Variants in NXPH3 observed in about 807,000 individuals in gnomAD.
The protein encoded by NXPH3 is neurexophilin 3, also known as neurexophilin-3.
NXPH3 carries 7 observed loss-of-function variants against 18.8 expected under a neutral mutation model. That is an observed-to-expected ratio of 0.37 (90% CI 0.21 to 0.70). The LOEUF (loss-of-function observed/expected upper bound fraction) is 0.70. NXPH3 is among the 30% of genes least tolerant of loss of function. NXPH3 has a pLI of 0.53. For missense variants in NXPH3, 282 were observed against 338.1 expected (o/e 0.83, Z 1.30); for synonymous variants, 101 against 137.3 (o/e 0.74, Z 1.85).
In NXPH3 at chr17:49,581,756, T is replaced by C. The variant is rs1457666581; in HGVS notation, c.*2456T>C. 4 of 702,090 alleles carry C rather than the reference T, an allele frequency of 5.7e-6. No individual in the cohort carries two copies. The African/African-American group carries it at 7.0e-5, about 12-fold the overall frequency. 43.5% of individuals were successfully genotyped at this position (702,090 alleles called of 1,614,324 possible). On this transcript the variant is annotated 3_prime_UTR_variant, in exon 2 of 2. Transcript: ENST00000328741. ...GAGGAAGCAATGGGGCCAGAGGCCC[T>C]GGGCGCCCTCCCCACCTCCCCTGGC...
In NXPH3 at chr17:49,580,448, C is replaced by T. The variant is rs2071594657; in HGVS notation, c.*1148C>T. Reference sequence around the variant, plus strand: ...ATGGCCGCAGGACATTTGCTTGAGACCCAAGTGGCAGGGATCCAACCGCCC... The same window carrying T: ...ATGGCCGCAGGACATTTGCTTGAGATCCAAGTGGCAGGGATCCAACCGCCC... On this transcript the variant is annotated 3_prime_UTR_variant, in exon 2 of 2. Coordinates refer to ENST00000328741, the MANE Select transcript of NXPH3 (RefSeq NM_007225.4). The T allele has an allele frequency of 6.6e-6, 1 of 152,284 alleles. No homozygotes were observed. The highest frequency in any genetic ancestry group is 1.5e-5 in the Non-Finnish European group (1 of 68,080). 9.4% of individuals were successfully genotyped at this position (152,284 alleles called of 1,614,324 possible). A position where few individuals can be genotyped will look rare whatever the true frequency, so the allele number is the denominator to read the frequency against.
rs2071584339 is a variant in NXPH3, at chr17:49,578,796, C to T, written c.255C>T (p.Arg85=). Residue 85 remains arginine (R), a synonymous_variant, in exon 2 of 2, where the codon CGC becomes CGT. Transcript: ENST00000328741. This position sits in a 1 kb window ranked among gnomAD's most constrained non-coding sequence, Gnocchi z 4.5. ...GCATTCTTGGGCAGCCCCCCAACCG[C>T]CCGAACCACAGCCCCCCACCCTCAG... ...AWGILGQPPN[R]PNHSPPPSAK... The T allele has an allele frequency of 5.0e-6, 8 of 1,613,830 alleles. No individual in the cohort carries two copies. The highest frequency in any genetic ancestry group is 6.8e-6 in the Non-Finnish European group (8 of 1,179,986).
In NXPH3 at chr17:49,581,601, C is replaced by T; in HGVS notation, c.*2301C>T. 1 of 701,208 alleles carries T rather than the reference C, an allele frequency of 1.4e-6. No individual in the cohort carries two copies. Among genetic ancestry groups the T allele is most frequent in the South Asian group, 1.5e-5 (1 of 67,360 alleles). 43.4% of individuals were successfully genotyped at this position (701,208 alleles called of 1,614,324 possible). On this transcript the variant is annotated 3_prime_UTR_variant, in exon 2 of 2. Coordinates refer to ENST00000328741, the MANE Select transcript of NXPH3 (RefSeq NM_007225.4). ...CTGAGTGGAGATGTGAGACACACACCCCTCCTCCAGACCACCCTCCGCTCC... is the reference window on the plus strand; with the variant it reads ...CTGAGTGGAGATGTGAGACACACACTCCTCCTCCAGACCACCCTCCGCTCC...
chr17:49,577,497 A>G (rs1019272794), intron 1 of NXPH3, among the ~76,000 whole-genome samples: 28 of 152,062 alleles, frequency 1.8e-4, no homozygotes, highest in African/African-American at 6.3e-4. Flanking sequence ...GATGCCCCCC[A>G]CTGCTGTCCC....
rs772700758 is a variant in NXPH3, at chr17:49,581,140, G to A, written c.*1840G>A. Reference sequence around the variant, plus strand: ...TCAATCTGACCACATGCCAGTGAAGGAACAGGCTGGAGTGGGGTGTGGACA... The same window carrying A: ...TCAATCTGACCACATGCCAGTGAAGAAACAGGCTGGAGTGGGGTGTGGACA... On this transcript the variant is annotated 3_prime_UTR_variant, in exon 2 of 2. Coordinates refer to ENST00000328741, the MANE Select transcript of NXPH3 (RefSeq NM_007225.4). 5.8e-5 allele frequency: 10 copies of A among 172,486 alleles called. No homozygotes were observed. Among genetic ancestry groups the A allele is most frequent in the Non-Finnish European group, 1.2e-4 (10 of 81,272 alleles). 10.7% of individuals were successfully genotyped at this position (172,486 alleles called of 1,614,324 possible).
Position 49,576,010 on chromosome 17 carries a change from G to A in NXPH3, c.-210G>A. 1.8e-6 allele frequency: 1 copy of A among 540,974 alleles called. No homozygotes were observed. Among genetic ancestry groups the A allele is most frequent in the South Asian group, 2.4e-5 (1 of 41,208 alleles). The allele number at this position is 540,974 out of a possible 1,614,324, so 33.5% of individuals were successfully genotyped here. A position where few individuals can be genotyped will look rare whatever the true frequency, so the allele number is the denominator to read the frequency against. ...TGGGACCTCGAGCGGGGGCCGTGCC[G>A]CGCGCAGCTGGACCAGGGGAGGGGG... On this transcript the variant is annotated 5_prime_UTR_variant, in exon 1 of 2. Coordinates refer to ENST00000328741, the MANE Select transcript of NXPH3 (RefSeq NM_007225.4).
chr17:49,576,994 C>A (rs902682527), intron 1 of NXPH3, among the ~76,000 whole-genome samples: 12 of 152,158 alleles, frequency 7.9e-5, no homozygotes, highest in Non-Finnish European at 1.8e-4. Context: ...CTGACCCTCC[C>A]CGCAATACTG....
rs1319395102 is a variant in NXPH3, at chr17:49,579,262, A to G, written c.721A>G (p.Asn241Asp). 1.1e-5 allele frequency: 18 copies of G among 1,600,002 alleles called. No individual in the cohort carries two copies. The highest frequency in any genetic ancestry group is 5.9e-6 in the Non-Finnish European group (7 of 1,179,938). Reference protein sequence around the residue: ...RLVQKVCPDYNYHSDTPYYPS... With the variant: ...RLVQKVCPDYDYHSDTPYYPS... ...GGTCCAGAAGGTGTGCCCAGATTAC[A>G]ACTACCATAGTGATACCCCCTACTA... The change falls in exon 2 of 2, where the codon AAC (asparagine) becomes GAC (aspartate). Residue 241 changes from asparagine (N) to aspartate (D), a missense_variant. Physicochemically the swap from Asn to Asp is conservative, Grantham distance 23. Transcript: ENST00000328741. The surrounding 1 kb of genome is among the most constrained non-coding windows in gnomAD (Gnocchi z 6.0).
At position 49,583,054 on chromosome 17, in the gene NXPH3, G is replaced by A. The variant is rs994059592; in HGVS notation, c.*3754G>A. The stretch of plus-strand genomic sequence containing the variant: ...ATTCAGGTGGCGAGGCCCATTGCTC[G>A]AGATGCACCTGGTGGGTGGGTGGCA... On this transcript the variant is annotated 3_prime_UTR_variant, in exon 2 of 2. Transcript: ENST00000328741. 1 of 152,224 alleles carries A rather than the reference G, an allele frequency of 6.6e-6. No individual in the cohort carries two copies. The highest frequency in any genetic ancestry group is 1.5e-5 in the Non-Finnish European group (1 of 68,084). 9.4% of individuals were successfully genotyped at this position (152,224 alleles called of 1,614,324 possible).
At position 49,579,393 on chromosome 17, in the gene NXPH3, G is replaced by T; in HGVS notation, c.*93G>T. 1 of 1,138,758 alleles carries T rather than the reference G, an allele frequency of 8.8e-7. No individual in the cohort carries two copies. Among genetic ancestry groups the T allele is most frequent in the African/African-American group, 1.5e-5 (1 of 64,744 alleles). 70.5% of individuals were successfully genotyped at this position (1,138,758 alleles called of 1,614,324 possible). A position where few individuals can be genotyped will look rare whatever the true frequency, so the allele number is the denominator to read the frequency against. ...GGACACCGGGCAGGGAAGGGGTTGG[G>T]CCTCAGGCAGGGAGGGGGGTGGAGA... is the stretch of plus-strand genomic sequence containing the variant. On this transcript the variant is annotated 3_prime_UTR_variant, in exon 2 of 2. Coordinates refer to ENST00000328741, the MANE Select transcript of NXPH3 (RefSeq NM_007225.4). The surrounding 1 kb of genome is among the most constrained non-coding windows in gnomAD (Gnocchi z 6.0).
chr17:49,576,127 G>T lies in NXPH3; in HGVS notation c.-93G>T. 6.7e-7 allele frequency: 1 copy of T among 1,484,228 alleles called. No individual in the cohort carries two copies. Among genetic ancestry groups the T allele is most frequent in the South Asian group, 1.2e-5 (1 of 82,548 alleles). The allele number at this position is 1,484,228 out of a possible 1,614,324, so 91.9% of individuals were successfully genotyped here. On this transcript the variant is annotated 5_prime_UTR_variant, in exon 1 of 2. It removes an upstream start codon present in the reference 5' UTR. Transcript: ENST00000328741. ...CGCGGGCCGCCGGGGACTGGAGCAT[G>T]GGACGGCGCGCCTGAAGGAGCAGGA...
chr17:49,583,463 G>A lies in NXPH3; in HGVS notation c.*4163G>A, dbSNP rs1195426529. The A allele has an allele frequency of 6.6e-6, 1 of 152,246 alleles. No homozygotes were observed. Among genetic ancestry groups the A allele is most frequent in the East Asian group, 1.9e-4 (1 of 5,194 alleles). The allele number at this position is 152,246 out of a possible 1,614,324, so 9.4% of individuals were successfully genotyped here. A position where few individuals can be genotyped will look rare whatever the true frequency, so the allele number is the denominator to read the frequency against. ...GAGACCTGGCACTCACCTGGGTTGT[G>A]ATTCCATAGGGCCCCTGTCTCCTGT... On this transcript the variant is annotated 3_prime_UTR_variant, in exon 2 of 2. Coordinates refer to ENST00000328741, the MANE Select transcript of NXPH3 (RefSeq NM_007225.4).
intron 1 of NXPH3, among the ~76,000 whole-genome samples, chr17:49,577,054 C>T (rs996414544): frequency 6.6e-6 from 1 of 152,154 alleles, no homozygotes. Flanking sequence ...ATCAACAAGC[C>T]CCTTGCCACC....
chr17:49,578,685 G>T lies in NXPH3; in HGVS notation c.144G>T (p.Arg48=), dbSNP rs758488263. The T allele has an allele frequency of 6.8e-6, 11 of 1,612,840 alleles. No homozygotes were observed. The South Asian group carries it at 1.2e-4, about 18-fold the overall frequency. ...GCCAGCCCCGGCCCCGGGTGCCTCG[G>T]AAGCGGGGCCACATCTCACCTAAGT... ...HEGQPRPRVP[R]KRGHISPKSR... Residue 48 remains arginine, a synonymous_variant, in exon 2 of 2, where the codon CGG becomes CGT. Coordinates refer to ENST00000328741, the MANE Select transcript of NXPH3 (RefSeq NM_007225.4). The surrounding 1 kb of genome is among the most constrained non-coding windows in gnomAD (Gnocchi z 4.5).
Position 49,578,394 on chromosome 17 carries a change from T to TG in NXPH3, c.55-191dup, listed in dbSNP as rs35525659. On this transcript the variant is annotated intron_variant, in intron 1 of 1. Transcript: ENST00000328741. The surrounding 1 kb of genome is among the most constrained non-coding windows in gnomAD (Gnocchi z 4.5). ...GGCCAAGACAGTGAGGAAAGGACAA[T>TG]GGGGGGGGGGGTGACCCAACTGTCA... 0.073 allele frequency among the ~76,000 whole-genome samples: 9,933 copies of TG among 136,152 alleles called. 354 individuals carry two copies. Among genetic ancestry groups the TG allele is most frequent in the African/African-American group, 0.1 (3,791 of 37,228 alleles). 89.3% of individuals were successfully genotyped at this position (136,152 alleles called of 152,430 possible).
rs1360079777 is a variant in NXPH3 at position 49,576,093 on chromosome 17, G to C, written c.-127G>C. On this transcript the variant is annotated 5_prime_UTR_variant, in exon 1 of 2. Transcript: ENST00000328741. ...GGGTCGGCCCTGGGCGACCCGCTGA[G>C]GGGAGGGCCGCGGGCCGCCGGGGAC... 14 of 1,187,600 alleles carry C rather than the reference G, an allele frequency of 1.2e-5. No individual in the cohort carries two copies. The highest frequency in any genetic ancestry group is 1.6e-5 in the Non-Finnish European group (13 of 830,532). The allele number at this position is 1,187,600 out of a possible 1,614,324, so 73.6% of individuals were successfully genotyped here.
In NXPH3 at chr17:49,579,909, GTC is replaced by G. The variant is rs1294260476; in HGVS notation, c.*612_*613del. On this transcript the variant is annotated 3_prime_UTR_variant, in exon 2 of 2. Transcript: ENST00000328741. This position sits in a 1 kb window ranked among gnomAD's most constrained non-coding sequence, Gnocchi z 6.0. ...TGATGTCTTGACAGATTGACCATCT[GTC>G]TCCAGCCAGGCCACCCCTTTCCAAA... 1.3e-5 allele frequency: 2 copies of G among 153,118 alleles called. No individual in the cohort carries two copies. The highest frequency in any genetic ancestry group is 6.5e-5 in the Admixed American group (1 of 15,358). The allele number at this position is 153,118 out of a possible 1,614,324, so 9.5% of individuals were successfully genotyped here.
chr17:49,578,900 G>T lies in NXPH3; in HGVS notation c.359G>T (p.Gly120Val). 13 of 1,614,150 alleles carry T rather than the reference G, an allele frequency of 8.1e-6. No individual in the cohort carries two copies. Among genetic ancestry groups the T allele is most frequent in the Non-Finnish European group, 1.1e-5 (13 of 1,180,040 alleles). ...GTGGCCCTGAACCTGCTCGTCACAG[G>T]GAAGATTGTGGACCATGGCAATGGG... ...KTVALNLLVT[G>V]KIVDHGNGTF... The change falls in exon 2 of 2, where the codon GGG becomes GTG. Residue 120 changes from glycine (G) to valine (V), a missense_variant. Physicochemically the swap from Gly to Val is moderately radical, Grantham distance 109. Coordinates refer to ENST00000328741, the MANE Select transcript of NXPH3 (RefSeq NM_007225.4). The surrounding 1 kb of genome is among the most constrained non-coding windows in gnomAD (Gnocchi z 4.5).
At chr17:49,577,796 G>A (rs1297575541) in intron 1 of NXPH3, 1 of 152,222 alleles carries the variant, frequency 6.6e-6, no homozygotes, top group East Asian at 1.9e-4. Flanking sequence ...ATCGTGGCAT[G>A]TCATCATCAG....
Sources: allele counts gnomAD v4.1 joint callset (sites outside exome capture counted in the v4.1 genomes callset), GRCh38; gene constraint gnomAD v4.1.1; non-coding constraint Gnocchi (gnomAD v3.1); transcripts MANE v1.5; gene names NCBI Gene and HGNC (gene_info 2026-07-23, HGNC 2026-07-21).